The following PXDNL variants were observed in gnomAD, a reference collection of about 807,000 sequenced individuals.
PXDNL encodes probable oxidoreductase PXDNL.
PXDNL carries 145 observed loss-of-function variants against 150.8 expected under a neutral mutation model. That is an observed-to-expected ratio of 0.96 (90% CI 0.84 to 1.10). The LOEUF (loss-of-function observed/expected upper bound fraction) is 1.10, where lower values mean the gene tolerates loss of function less well. Ranked by LOEUF, PXDNL falls within the 50% of genes least tolerant of loss-of-function variation. The pLI is 0.00. For missense variants in PXDNL, 2,087 were observed against 1,873.9 expected (o/e 1.11, Z -2.10); for synonymous variants, 757 against 725.7 (o/e 1.04, Z -0.69).
At chr8:51,678,554 C>T (rs1014730384) in intron 1 of PXDNL, among the ~76,000 whole-genome samples, 2 of 150,758 alleles carry the variant, frequency 1.3e-5, no homozygotes, top group Admixed American at 6.6e-5. Flanking sequence ...ATGATGAGTT[C>T]ATGTCCTTTG....
In PXDNL at chr8:51,660,036, C is replaced by A. The variant is rs576253728; in HGVS notation, c.165-5276G>T. ...CCCTGAGTAGCTGGGATTGCAGGCG[C>A]CCACCACCATGTCGGGCTAATGTTT... is the stretch of plus-strand genomic sequence containing the variant. On this transcript the variant is annotated intron_variant, in intron 1 of 22. Coordinates refer to ENST00000356297, the MANE Select transcript of PXDNL (RefSeq NM_144651.5). 7.2e-5 allele frequency among the ~76,000 whole-genome samples: 11 copies of A among 151,952 alleles called. No individual in the cohort carries two copies. The East Asian group carries it at 1.9e-3, about 27-fold the overall frequency.
At chr8:51,709,838 T>C (rs1816458922) in intron 1 of PXDNL, among the ~76,000 whole-genome samples, 1 of 152,184 alleles carries the variant, frequency 6.6e-6, no homozygotes, top group Non-Finnish European at 1.5e-5. Context: ...AGAATATCAT[T>C]AAACAAAATT....
At chr8:51,465,979 A>G (rs1013177791) in intron 8 of PXDNL, among the ~76,000 whole-genome samples, 2 of 152,182 alleles carry the variant, frequency 1.3e-5, no homozygotes, top group African/African-American at 4.8e-5. Context: ...GCCCAAGGCA[A>G]TTTACAAATT....
At chr8:51,417,613 C>T (rs73579694) in intron 14 of PXDNL, among the ~76,000 whole-genome samples, 7,872 of 152,114 alleles carry the variant, frequency 0.052, 674 homozygotes, top group African/African-American at 0.18. Context: ...ATTTTTTATC[C>T]TCCCCCTTTT....
intron 1 of PXDNL, among the ~76,000 whole-genome samples, chr8:51,687,484 TA>T (rs1428349386): frequency 1.3e-5 from 2 of 152,222 alleles, no homozygotes; most frequent in Non-Finnish European, 2.9e-5. Flanking sequence ...TTCCAATTTG[TA>T]AAAATGAGTG....
chr8:51,342,347 T>C (rs1563365524), intron 20 of PXDNL, among the ~76,000 whole-genome samples: 1 of 152,028 alleles, frequency 6.6e-6, no homozygotes, highest in Non-Finnish European at 1.5e-5. Flanking sequence ...TATTTTTAGT[T>C]TATTATTTCA....
chr8:51,374,536 T>C (rs1255840934), intron 18 of PXDNL, 61 bp downstream of exon 18: 3 of 1,525,038 alleles, frequency 2.0e-6, no homozygotes, highest in African/African-American at 2.7e-5. Context: ...GTTAAACATA[T>C]ACATTTTGGG....
At chr8:51,496,580 A>G (rs532685683) in intron 5 of PXDNL, among the ~76,000 whole-genome samples, 1 of 152,210 alleles carries the variant, frequency 6.6e-6, no homozygotes, top group African/African-American at 2.4e-5. Context: ...ACTTCAGCAA[A>G]GTCTCAAGAT....
At chr8:51,700,897 ACTC>A (rs1166306023) in intron 1 of PXDNL, among the ~76,000 whole-genome samples, 1 of 151,808 alleles carries the variant, frequency 6.6e-6, no homozygotes, top group Non-Finnish European at 1.5e-5. Context: ...TACACAATAT[ACTC>A]CTATACATAC....
intron 1 of PXDNL, among the ~76,000 whole-genome samples, chr8:51,785,365 A>G (rs1241450876): frequency 6.6e-6 from 1 of 152,208 alleles, no homozygotes; most frequent in Non-Finnish European, 1.5e-5. Context: ...TGATTCATAC[A>G]ATGCACATTA....
At chr8:51,553,054 G>C (rs1812526300) in intron 4 of PXDNL, among the ~76,000 whole-genome samples, 2 of 152,216 alleles carry the variant, frequency 1.3e-5, no homozygotes, top group Admixed American at 6.5e-5. Context: ...CTGTTCCCAA[G>C]TAAGTCCACA....
At chr8:51,382,249 G>C (rs1352149918) in intron 17 of PXDNL, among the ~76,000 whole-genome samples, 1 of 152,102 alleles carries the variant, frequency 6.6e-6, no homozygotes, top group African/African-American at 2.4e-5. Context: ...GGAAACCAAG[G>C]GTTGCCGGGA....
chr8:51,469,110 A>T (rs1431305520), intron 8 of PXDNL, among the ~76,000 whole-genome samples: 1 of 152,032 alleles, frequency 6.6e-6, no homozygotes, highest in Non-Finnish European at 1.5e-5. Context: ...ACCTTGTCAG[A>T]TAATTTACCT....
chr8:51,484,610 A>G (rs1026033776), intron 5 of PXDNL, among the ~76,000 whole-genome samples: 48 of 152,118 alleles, frequency 3.2e-4, no homozygotes, highest in African/African-American at 1.1e-3. Flanking sequence ...TGCTATGGTT[A>G]CTGCTCAGCC....
chr8:51,367,732 A>C (rs1371334337), intron 19 of PXDNL, among the ~76,000 whole-genome samples: 1 of 152,246 alleles, frequency 6.6e-6, no homozygotes, highest in Non-Finnish European at 1.5e-5. Context: ...TTATGAAAAA[A>C]AATGCACGAC....
intron 8 of PXDNL, among the ~76,000 whole-genome samples, chr8:51,470,450 C>A (rs563010753): frequency 6.6e-6 from 1 of 151,958 alleles, no homozygotes; most frequent in South Asian, 2.1e-4. Flanking sequence ...TGATTATACA[C>A]GTGACAAAAG....
intron 17 of PXDNL, among the ~76,000 whole-genome samples, chr8:51,384,982 C>G (rs1020249809): frequency 2.0e-5 from 3 of 151,872 alleles, no homozygotes; most frequent in African/African-American, 7.3e-5. Flanking sequence ...GCAGAGACAT[C>G]AACAATAAGA....
At chr8:51,377,032 T>C (rs1807340166) in intron 17 of PXDNL, among the ~76,000 whole-genome samples, 2 of 151,522 alleles carry the variant, frequency 1.3e-5, no homozygotes, top group Admixed American at 1.3e-4. Context: ...TCTCTTTAAG[T>C]GCTAGAGCAT....
At chr8:51,710,943 TCTAACATCA>T (rs1816484408) in intron 1 of PXDNL, among the ~76,000 whole-genome samples, 2 of 152,152 alleles carry the variant, frequency 1.3e-5, no homozygotes, top group African/African-American at 4.8e-5. Flanking sequence ...AAGCTTCTCC[TCTAACATCA>T]AGAACAAGAT....
Sources: allele counts gnomAD v4.1 joint callset (sites outside exome capture counted in the v4.1 genomes callset), GRCh38; gene constraint gnomAD v4.1.1; transcripts MANE v1.5; gene names NCBI Gene and HGNC (gene_info 2026-07-23, HGNC 2026-07-21).